Variants in CDH2 observed in about 807,000 individuals in gnomAD.
CDH2 encodes the protein cadherin-2.
CDH2 carries 17 observed loss-of-function variants against 92.0 expected under a neutral mutation model. That is an observed-to-expected ratio of 0.18 (90% CI 0.13 to 0.28). CDH2 has a LOEUF of 0.28. Among genes scored for constraint, CDH2 ranks in the 10% least tolerant of loss-of-function variants. The probability of loss-of-function intolerance (pLI) is 1.00; values close to 1 mark genes in which losing one functional copy is unlikely to be tolerated. For missense variants in CDH2, 862 were observed against 1,133.1 expected, an observed-to-expected ratio of 0.76 and a Z score of 3.44; for synonymous variants, 419 against 415.9, an observed-to-expected ratio of 1.01 and a Z score of -0.09.
At chr18:28,174,197 C>T (rs1210950357) in intron 1 of CDH2, among the ~76,000 whole-genome samples, 1 of 151,914 alleles carries the variant, frequency 6.6e-6, no homozygotes, top group African/African-American at 2.4e-5. Flanking sequence ...GCACTAATAA[C>T]CTACATATTC....
chr18:27,938,730 CTCACCA>C (rs955191801), intron 6 of CDH2, among the ~76,000 whole-genome samples: 57 of 152,046 alleles, frequency 3.7e-4, no homozygotes, highest in African/African-American at 1.4e-3. Context: ...TTTAAATCAC[CTCACCA>C]TCAAGTACTG....
intron 2 of CDH2, among the ~76,000 whole-genome samples, chr18:28,091,675 A>G (rs900092355): frequency 7.2e-5 from 11 of 152,212 alleles, no homozygotes; most frequent in African/African-American, 1.9e-4. Context: ...AATTAATTAA[A>G]ATACCAATGG....
At chr18:27,947,619 C>T (rs1490188491), downstream of CDH2, among the ~76,000 whole-genome samples, 3 of 151,762 alleles carry the variant, frequency 2.0e-5, no homozygotes, top group African/African-American at 7.2e-5. Flanking sequence ...GAAACAAACA[C>T]ATGCTTATAT....
chr18:28,107,796 A>G (rs1226709419), intron 2 of CDH2, among the ~76,000 whole-genome samples: 1 of 152,164 alleles, frequency 6.6e-6, no homozygotes, highest in Non-Finnish European at 1.5e-5. Context: ...TTAAAAAAAA[A>G]GGAATCAGGT....
intron 1 of CDH2, among the ~76,000 whole-genome samples, chr18:28,157,324 GACAC>G (rs1475045685): frequency 6.6e-6 from 1 of 152,134 alleles, no homozygotes; most frequent in Non-Finnish European, 1.5e-5. Flanking sequence ...TTCAACTAAA[GACAC>G]TCAATATCAG....
At chr18:27,968,109 A>G (rs1304004937) in intron 14 of CDH2, among the ~76,000 whole-genome samples, 1 of 152,178 alleles carries the variant, frequency 6.6e-6, no homozygotes, top group East Asian at 1.9e-4. Flanking sequence ...CAAGCAAGCA[A>G]CCTTTATCTG....
intron 1 of CDH2, among the ~76,000 whole-genome samples, chr18:28,171,408 A>G (rs1207709571): frequency 6.6e-6 from 1 of 152,122 alleles, no homozygotes; most frequent in African/African-American, 2.4e-5. Flanking sequence ...TTTCTCAGTA[A>G]TATTACACTT....
intron 2 of CDH2, among the ~76,000 whole-genome samples, chr18:28,080,794 G>C (rs1399483062): frequency 2.6e-5 from 4 of 152,258 alleles, no homozygotes; most frequent in African/African-American, 9.6e-5. Context: ...ATACAATCTT[G>C]TGAACGGCTT....
intron 6 of CDH2, among the ~76,000 whole-genome samples, chr18:27,933,524 C>G (rs1412989232): frequency 6.6e-6 from 1 of 152,038 alleles, no homozygotes; most frequent in African/African-American, 2.4e-5. Context: ...ATAAGTAGCT[C>G]TCTGTTTGAA....
At chr18:27,980,457 G>A (rs997688786) in intron 14 of CDH2, among the ~76,000 whole-genome samples, 1 of 152,152 alleles carries the variant, frequency 6.6e-6, no homozygotes, top group Non-Finnish European at 1.5e-5. Flanking sequence ...TCATGAACCA[G>A]TTTAGAGATA....
intron 2 of CDH2, among the ~76,000 whole-genome samples, chr18:28,023,185 A>C (rs928773019): frequency 1.3e-5 from 2 of 152,286 alleles, no homozygotes; most frequent in Admixed American, 6.5e-5. Flanking sequence ...TTTATAAGCA[A>C]ACTTTTATGT....
intron 1 of CDH2, among the ~76,000 whole-genome samples, chr18:28,174,184 T>A (rs2016503610): frequency 6.6e-6 from 1 of 152,066 alleles, no homozygotes; most frequent in South Asian, 2.1e-4. Context: ...GTGCTCCGTA[T>A]CTGCACTAAT....
rs114087921 is a variant in CDH2, at chr18:28,118,612, T to C, written c.172+29061A>G. Among the ~76,000 whole-genome samples, 1,382 of 151,526 alleles carry C rather than the reference T, an allele frequency of 9.1e-3. 8 individuals are homozygous for C. Among genetic ancestry groups the C allele is most frequent in the Non-Finnish European group, 0.012 (799 of 67,856 alleles). On this transcript the variant is annotated intron_variant, in intron 2 of 15. Coordinates refer to ENST00000269141, the MANE Select transcript of CDH2 (RefSeq NM_001792.5). ...TTCAGTGTGTGTGTGTGTGTGTGTG[T>C]GCGCTGACTTTAGGTTGTGAGCAGT...
chr18:28,051,641 T>TCTCTTACC (rs2014193294), intron 2 of CDH2, among the ~76,000 whole-genome samples: 3 of 152,132 alleles, frequency 2.0e-5, no homozygotes, highest in Non-Finnish European at 4.4e-5. Context: ...TTACTCAAAA[T>TCTCTTACC]ATGTCTCTTA....
chr18:28,101,201 C>G (rs1312355042), intron 2 of CDH2, among the ~76,000 whole-genome samples: 1 of 152,126 alleles, frequency 6.6e-6, no homozygotes, highest in Non-Finnish European at 1.5e-5. Context: ...GTTGCATTGG[C>G]TCTAGAACAC....
At chr18:28,142,523 G>C (rs1419263746) in intron 2 of CDH2, among the ~76,000 whole-genome samples, 1 of 151,034 alleles carries the variant, frequency 6.6e-6, no homozygotes, top group African/African-American at 2.4e-5. Context: ...GAAAGTTCTT[G>C]GTTCTTTTAT....
intron 1 of CDH2, among the ~76,000 whole-genome samples, chr18:28,166,151 T>TATATATATATATATATATATAC (rs1568024380): frequency 7.7e-6 from 1 of 130,604 alleles, no homozygotes; most frequent in Non-Finnish European, 1.6e-5. Flanking sequence ...GACACACTCA[T>TATATATATATATATATATATAC]ATATATATAT....
intron 2 of CDH2, among the ~76,000 whole-genome samples, chr18:28,047,591 G>T (rs991004306): frequency 1.3e-5 from 2 of 152,072 alleles, no homozygotes; most frequent in Admixed American, 6.5e-5. Flanking sequence ...GAAACTGGCC[G>T]GGCGCGGTGG....
chr18:27,953,668 T>G (rs553945055), intron 15 of CDH2, among the ~76,000 whole-genome samples: 1 of 152,044 alleles, frequency 6.6e-6, no homozygotes, highest in South Asian at 2.1e-4. Context: ...TCAGAATCAG[T>G]ATGGTGTAGT....
Sources: gnomAD v4.1 joint callset for allele counts (sites outside exome capture counted in the v4.1 genomes callset) on GRCh38, gnomAD v4.1.1 for gene constraint, MANE v1.5 for transcripts, NCBI Gene and HGNC (gene_info 2026-07-23, HGNC 2026-07-21) for gene names.